The following TAFA5 variants were observed in gnomAD, a reference collection of about 807,000 sequenced individuals.
The protein encoded by TAFA5 is chemokine-like protein TAFA-5.
In TAFA5, 6 loss-of-function variants were observed where a neutral mutation model predicts 15.3. The observed-to-expected ratio is 0.39, with a 90% confidence interval of 0.21 to 0.77. TAFA5 has a LOEUF of 0.77. Ranked by LOEUF, TAFA5 falls within the 30% of genes least tolerant of loss-of-function variation. The pLI is 0.41. For missense variants in TAFA5, 161 were observed against 193.1 expected (o/e 0.83, Z 0.98); for synonymous variants, 103 against 80.7 (o/e 1.28, Z -1.48).
chr22:48,665,689 G>A (rs551236691), intron 2 of TAFA5, among the ~76,000 whole-genome samples: 30 of 152,296 alleles, frequency 2.0e-4, no homozygotes, highest in Non-Finnish European at 4.1e-4. Flanking sequence ...AAACACTTTA[G>A]AGAGACAGAA....
intron 2 of TAFA5, among the ~76,000 whole-genome samples, chr22:48,691,545 C>T (rs888793923): frequency 6.6e-6 from 1 of 152,230 alleles, no homozygotes; most frequent in African/African-American, 2.4e-5. Context: ...TCGCGAGGAA[C>T]GCAGCCTGGA....
chr22:48,643,220 A>G (rs1469748742), intron 1 of TAFA5, among the ~76,000 whole-genome samples: 2 of 152,222 alleles, frequency 1.3e-5, no homozygotes, highest in African/African-American at 4.8e-5. Context: ...AAGAACGTGT[A>G]CCGTTCAGGC....
At position 48,490,745 on chromosome 22, in the gene TAFA5, C is replaced by A. The variant is rs541327267; in HGVS notation, c.112+1041C>A. On this transcript the variant is annotated intron_variant, in intron 1 of 3. Transcript: ENST00000402357. The surrounding 1 kb of genome is among the most constrained non-coding windows in gnomAD (Gnocchi z 5.8). ...ACCTGTCATGGAGAATTGCCATGGG[C>A]GCGGGAGGTGATGGAAAAATATGGA... Among the ~76,000 whole-genome samples, 38 of 127,328 alleles carry A rather than the reference C, an allele frequency of 3.0e-4. No homozygotes were observed. The South Asian group carries it at 7.8e-3, about 26-fold the overall frequency. The allele number at this position is 127,328 out of a possible 152,430, so 83.5% of individuals were successfully genotyped here.
At chr22:48,539,851 C>A (rs2147118192) in intron 1 of TAFA5, among the ~76,000 whole-genome samples, 1 of 152,292 alleles carries the variant, frequency 6.6e-6, no homozygotes, top group Middle Eastern at 3.4e-3. Flanking sequence ...AGATGGGAAA[C>A]TTCGAAGTCC....
At chr22:48,582,436 C>G (rs1406315243) in intron 1 of TAFA5, among the ~76,000 whole-genome samples, 2 of 151,314 alleles carry the variant, frequency 1.3e-5, no homozygotes, top group Non-Finnish European at 2.9e-5. Flanking sequence ...ATACCACACA[C>G]AAAATACACC....
intron 3 of TAFA5, among the ~76,000 whole-genome samples, chr22:48,746,599 C>A (rs1930334883): frequency 6.6e-6 from 1 of 152,222 alleles, no homozygotes; most frequent in African/African-American, 2.4e-5. Flanking sequence ...CATGGAGAAA[C>A]TGAGGCACAG....
Position 48,505,326 on chromosome 22 carries a change from C to T in TAFA5, c.112+15622C>T, listed in dbSNP as rs191160339. 9.8e-5 allele frequency among the ~76,000 whole-genome samples: 15 copies of T among 152,300 alleles called. No individual in the cohort carries two copies. In the East Asian group the frequency reaches 2.9e-3, roughly 29 times the overall value. ...CGGGGGCGTCTGGAGTGCCCTGAGG[C>T]TCAGGGATCCATCATCTACACAAAA... On this transcript the variant is annotated intron_variant, in intron 1 of 3. Transcript: ENST00000402357.
chr22:48,719,720 TAA>T (rs1157261940), intron 3 of TAFA5, among the ~76,000 whole-genome samples: 1 of 152,254 alleles, frequency 6.6e-6, no homozygotes, highest in Non-Finnish European at 1.5e-5. Context: ...TGAAAAATAC[TAA>T]GTCATTACTC....
At chr22:48,573,083 G>A (rs559460860) in intron 1 of TAFA5, among the ~76,000 whole-genome samples, 71 of 152,338 alleles carry the variant, frequency 4.7e-4, no homozygotes, top group South Asian at 2.7e-3. Flanking sequence ...CTCTGGCCCT[G>A]GTCTGAGCTA....
At chr22:48,631,383 G>A (rs1218622781) in intron 1 of TAFA5, among the ~76,000 whole-genome samples, 1 of 152,224 alleles carries the variant, frequency 6.6e-6, no homozygotes, top group African/African-American at 2.4e-5. Flanking sequence ...AGCAGGGACT[G>A]ACGTAGACAG....
chr22:48,642,786 T>TG (rs540771976), intron 1 of TAFA5, among the ~76,000 whole-genome samples: 69 of 152,014 alleles, frequency 4.5e-4, no homozygotes, highest in African/African-American at 1.5e-3. Context: ...CATTCACATG[T>TG]GGGGGGTGTG....
chr22:48,583,761 C>A (rs574863043), intron 1 of TAFA5, among the ~76,000 whole-genome samples: 294 of 12,012 alleles, frequency 0.024, 1 homozygote, highest in African/African-American at 0.074. Context: ...ACACAGTACA[C>A]GCCACAGAAA....
chr22:48,696,804 G>A (rs1452038104), intron 2 of TAFA5, among the ~76,000 whole-genome samples: 3 of 152,236 alleles, frequency 2.0e-5, no homozygotes, highest in South Asian at 2.1e-4. Flanking sequence ...TACATGAGAC[G>A]CAGGTTGTGT....
intron 1 of TAFA5, among the ~76,000 whole-genome samples, chr22:48,563,702 T>C (rs539704854): frequency 6.6e-6 from 1 of 152,326 alleles, no homozygotes; most frequent in Non-Finnish European, 1.5e-5. Context: ...TCACGGTGCC[T>C]GTTCTGCTAC....
intron 2 of TAFA5, among the ~76,000 whole-genome samples, chr22:48,661,480 C>A (rs1927438969): frequency 6.6e-6 from 1 of 152,216 alleles, no homozygotes; most frequent in Non-Finnish European, 1.5e-5. Flanking sequence ...GGTTTGTCTG[C>A]GTCTTTCCAA....
chr22:48,539,416 C>T (rs548505540), intron 1 of TAFA5: 2 of 471,190 alleles, frequency 4.2e-6, no homozygotes, highest in East Asian at 1.4e-4. Context: ...GTTTCCCAGG[C>T]AGGAAAAGCT....
intron 1 of TAFA5, among the ~76,000 whole-genome samples, chr22:48,624,071 C>T (rs973718646): frequency 3.9e-5 from 6 of 152,144 alleles, no homozygotes; most frequent in African/African-American, 1.4e-4. Flanking sequence ...CTCCTAGGAC[C>T]TCTCCTGGCC....
chr22:48,506,984 C>T (rs1231306348), intron 1 of TAFA5, among the ~76,000 whole-genome samples: 2 of 152,086 alleles, frequency 1.3e-5, no homozygotes, highest in African/African-American at 2.4e-5. Context: ...GGACTGGGCA[C>T]CGAGTGGCAT....
At chr22:48,643,388 G>A (rs955365543) in intron 1 of TAFA5, among the ~76,000 whole-genome samples, 2 of 152,186 alleles carry the variant, frequency 1.3e-5, no homozygotes, top group Non-Finnish European at 2.9e-5. Context: ...AGTTTGGTTC[G>A]AATTGTGTCC....
Sources: gnomAD v4.1 joint callset for allele counts (sites outside exome capture counted in the v4.1 genomes callset) on GRCh38, gnomAD v4.1.1 for gene constraint, Gnocchi (gnomAD v3.1) non-coding constraint, MANE v1.5 for transcripts, NCBI Gene and HGNC (gene_info 2026-07-23, HGNC 2026-07-21) for gene names.